CSMD1: variants seen among roughly 807,000 people sequenced by gnomAD.
CSMD1 encodes CUB and Sushi multiple domains 1.
Under a neutral mutation model 417.5 loss-of-function variants are expected in CSMD1, and 213 were observed. The observed-to-expected ratio is 0.51, with a 90% CI of 0.46 to 0.57. The LOEUF (loss-of-function observed/expected upper bound fraction) is 0.57. Ranked by LOEUF, CSMD1 falls within the 20% of genes least tolerant of loss-of-function variation. The pLI, the probability that CSMD1 is intolerant of heterozygous loss-of-function variation, is 0.00. For missense variants in CSMD1, 6,923 were observed against 4,529.7 expected (o/e 1.53, Z -15.17); for synonymous variants, 2,862 against 1,736.8 (o/e 1.65, Z -16.11).
At chr8:4,726,388 A>C (rs1472782182) in intron 1 of CSMD1, among the ~76,000 whole-genome samples, 2 of 152,096 alleles carry the variant, frequency 1.3e-5, no homozygotes, top group Admixed American at 1.3e-4. Context: ...CTAATGACTA[A>C]AAATAGAGCA....
intron 6 of CSMD1, among the ~76,000 whole-genome samples, chr8:3,734,051 C>T (rs1174570065): frequency 7.6e-6 from 1 of 131,628 alleles, no homozygotes; most frequent in Non-Finnish European, 1.8e-5. Context: ...GAAATGCAAG[C>T]TGTTTAAAAA....
chr8:4,023,953 A>G (rs1410518884), intron 4 of CSMD1, among the ~76,000 whole-genome samples: 2 of 151,718 alleles, frequency 1.3e-5, no homozygotes, highest in East Asian at 3.9e-4. Flanking sequence ...CTTTAGATAC[A>G]TTAAGAGCGA....
At chr8:3,328,974 C>T (rs1416427999) in intron 23 of CSMD1, among the ~76,000 whole-genome samples, 2 of 152,166 alleles carry the variant, frequency 1.3e-5, no homozygotes, top group African/African-American at 2.4e-5. Context: ...ATTCCATTAT[C>T]ATGTACCAAA....
chr8:3,293,875 C>T (rs557886510), intron 25 of CSMD1, among the ~76,000 whole-genome samples: 2 of 152,316 alleles, frequency 1.3e-5, no homozygotes, highest in South Asian at 4.1e-4. Flanking sequence ...TGGTGAGGAG[C>T]TGTGTTCCTT....
chr8:4,713,694 G>C (rs538779676), intron 1 of CSMD1, among the ~76,000 whole-genome samples: 10 of 152,142 alleles, frequency 6.6e-5, no homozygotes, highest in African/African-American at 1.7e-4. Flanking sequence ...CCAGCTGCTC[G>C]CCACTGCCTC....
intron 12 of CSMD1, among the ~76,000 whole-genome samples, chr8:3,434,175 T>C (rs1814403515): frequency 6.6e-6 from 1 of 152,352 alleles, no homozygotes; most frequent in South Asian, 2.1e-4. Flanking sequence ...GCCATCATAG[T>C]AAATATTCCT....
chr8:4,006,052 C>G (rs1420058567), intron 4 of CSMD1, among the ~76,000 whole-genome samples: 1 of 152,134 alleles, frequency 6.6e-6, no homozygotes, highest in Non-Finnish European at 1.5e-5. Flanking sequence ...AGGAACTATT[C>G]AAGGAATGAG....
chr8:4,572,048 G>A (rs890375109), intron 2 of CSMD1, among the ~76,000 whole-genome samples: 4 of 152,182 alleles, frequency 2.6e-5, no homozygotes, highest in Admixed American at 6.5e-5. Flanking sequence ...ACAGCACACC[G>A]ATGGGTCTTG....
intron 2 of CSMD1, among the ~76,000 whole-genome samples, chr8:4,509,599 C>A (rs1802709767): frequency 1.3e-5 from 2 of 152,060 alleles, no homozygotes; most frequent in Admixed American, 6.6e-5. Flanking sequence ...GCAGACACAC[C>A]CCAGCCAAGT....
intron 3 of CSMD1, among the ~76,000 whole-genome samples, chr8:4,125,830 C>T (rs1056612096): frequency 3.3e-5 from 5 of 152,172 alleles, no homozygotes; most frequent in Admixed American, 6.5e-5. Flanking sequence ...CCCATCTTAC[C>T]TGGTGTCCAG....
intron 1 of CSMD1, among the ~76,000 whole-genome samples, chr8:4,933,637 C>T (rs538322718): frequency 4.1e-4 from 63 of 152,120 alleles, no homozygotes; most frequent in African/African-American, 1.3e-3. Context: ...ATGTACTTTC[C>T]GAATGCCTGT....
intron 2 of CSMD1, among the ~76,000 whole-genome samples, chr8:4,499,290 C>T (rs1021042758): frequency 4.6e-5 from 7 of 152,112 alleles, no homozygotes; most frequent in South Asian, 4.1e-4. Context: ...AGGTAAAAGA[C>T]GTCATGAAAA....
At position 3,482,904 on chromosome 8, in the gene CSMD1, G is replaced by C. The variant is rs28868111; in HGVS notation, c.1448+10719C>G. ...CCATGATTCAAAGGGAAAGTCTCAA[G>C]TGAAATAAAGAAATACATAGAATGA... On this transcript the variant is annotated intron_variant, in intron 11 of 69. Coordinates refer to ENST00000635120, the MANE Select transcript of CSMD1 (RefSeq NM_033225.6). 8.6e-3 allele frequency among the ~76,000 whole-genome samples: 1,312 copies of C among 152,192 alleles called. 19 individuals are homozygous for C. The highest frequency in any genetic ancestry group is 0.03 in the African/African-American group (1,237 of 41,514).
In CSMD1 at chr8:3,852,888, T is replaced by C. The variant is rs556929708; in HGVS notation, c.819-98846A>G. ...TCCCTCCAGCATCCACGCAGGTTCC[T>C]ATTTCTCTCATTTTAAAATATTTTA... On this transcript the variant is annotated intron_variant, in intron 5 of 69. Coordinates refer to ENST00000635120, the MANE Select transcript of CSMD1 (RefSeq NM_033225.6). Among the ~76,000 whole-genome samples the C allele has an allele frequency of 1.1e-4, 16 of 152,296 alleles. No individual in the cohort carries two copies. In the East Asian group the frequency reaches 2.9e-3, roughly 28 times the overall value.
At chr8:3,274,843 C>G (rs2117177075) in intron 26 of CSMD1, among the ~76,000 whole-genome samples, 1 of 152,252 alleles carries the variant, frequency 6.6e-6, no homozygotes, top group South Asian at 2.1e-4. Flanking sequence ...AGATGTGTTT[C>G]CTGAATAGTG....
At chr8:3,104,590 A>G (rs564984298) in intron 46 of CSMD1, among the ~76,000 whole-genome samples, 19 of 152,316 alleles carry the variant, frequency 1.2e-4, no homozygotes, top group Middle Eastern at 6.8e-3. Context: ...AATTCATTCC[A>G]AAATGTATGC....
intron 1 of CSMD1, among the ~76,000 whole-genome samples, chr8:4,775,830 C>G (rs1231650247): frequency 6.6e-6 from 1 of 152,056 alleles, no homozygotes; most frequent in African/African-American, 2.4e-5. Flanking sequence ...AGAAAGTTCC[C>G]CTTAATATTG....
chr8:4,349,292 G>A (rs1016752068), intron 3 of CSMD1, among the ~76,000 whole-genome samples: 8 of 152,272 alleles, frequency 5.3e-5, no homozygotes, highest in Middle Eastern at 3.4e-3. Flanking sequence ...TGCAGCAGTG[G>A]AAAGCTATTT....
At chr8:3,290,902 C>T (rs934925185) in intron 25 of CSMD1, among the ~76,000 whole-genome samples, 19 of 152,042 alleles carry the variant, frequency 1.2e-4, no homozygotes, top group Admixed American at 3.9e-4. Flanking sequence ...TGGTCTTGTG[C>T]CTGTTTTCAA....
Sources: gnomAD v4.1 joint callset for allele counts (sites outside exome capture counted in the v4.1 genomes callset) on GRCh38, gnomAD v4.1.1 for gene constraint, MANE v1.5 for transcripts, NCBI Gene and HGNC (gene_info 2026-07-23, HGNC 2026-07-21) for gene names.